DLG2: variants seen among roughly 807,000 people sequenced by gnomAD.
The protein encoded by DLG2 is disks large homolog 2.
DLG2 carries 45 observed loss-of-function variants against 132.5 expected under a neutral mutation model. The ratio of observed to expected loss-of-function variants is 0.34; its 90% confidence interval spans 0.27 to 0.44. The LOEUF is 0.44. Among genes scored for constraint, DLG2 ranks in the 20% least tolerant of loss-of-function variants. DLG2 has a pLI of 1.00. For synonymous variants in DLG2, 424 were observed against 419.6 expected (o/e 1.01, Z -0.13); for missense variants, 1,045 against 1,196.9 (o/e 0.87, Z 1.87).
chr11:84,118,283 C>T (rs1328092050), intron 9 of DLG2, among the ~76,000 whole-genome samples: 1 of 152,178 alleles, frequency 6.6e-6, no homozygotes, highest in Non-Finnish European at 1.5e-5. Flanking sequence ...ATTTGTTCAG[C>T]CTCCTGCTGC....
rs756806805 is a variant in DLG2, at chr11:85,553,603, T to C, written c.40+45054A>G. On this transcript the variant is annotated intron_variant, in intron 3 of 27. Coordinates refer to ENST00000376104, the MANE Select transcript of DLG2 (RefSeq NM_001142699.3). The stretch of plus-strand genomic sequence containing the variant: ...ATTCTTACTGAAAGAGATTAAATGA[T>C]GTGTGGAGGAAACTACATACAAAGG... 6.6e-5 allele frequency among the ~76,000 whole-genome samples: 10 copies of C among 151,640 alleles called. 1 individual carries two copies. The highest frequency in any genetic ancestry group is 1.3e-4 in the Non-Finnish European group (9 of 67,762).
At chr11:85,469,870 A>G (rs1379042293) in intron 3 of DLG2, 1 of 152,208 alleles carries the variant, frequency 6.6e-6, no homozygotes, top group African/African-American at 2.4e-5. Flanking sequence ...CACAAGCAGT[A>G]AATATGACCC....
intron 3 of DLG2, among the ~76,000 whole-genome samples, chr11:85,522,048 T>A (rs2074357589): frequency 6.6e-6 from 1 of 152,176 alleles, no homozygotes; most frequent in African/African-American, 2.4e-5. Flanking sequence ...CTAGGGCATG[T>A]CAGAGAGCTT....
chr11:83,887,082 G>A (rs947458257), intron 15 of DLG2, among the ~76,000 whole-genome samples: 9 of 152,072 alleles, frequency 5.9e-5, no homozygotes, highest in East Asian at 1.9e-4. Flanking sequence ...AGCATAAGGC[G>A]AGAAATAACT....
chr11:84,175,588 C>A (rs2095940362), intron 8 of DLG2, among the ~76,000 whole-genome samples: 1 of 152,076 alleles, frequency 6.6e-6, no homozygotes, highest in African/African-American at 2.4e-5. Context: ...ACCCTTTCAG[C>A]AGTTTTCAAG....
intron 4 of DLG2, among the ~76,000 whole-genome samples, chr11:85,269,977 C>T (rs955756626): frequency 1.3e-5 from 2 of 152,028 alleles, no homozygotes; most frequent in African/African-American, 4.8e-5. Flanking sequence ...TAAAGCACTG[C>T]TTAGAATATA....
At chr11:83,722,375 T>C (rs1442194463) in intron 18 of DLG2, among the ~76,000 whole-genome samples, 1 of 152,208 alleles carries the variant, frequency 6.6e-6, no homozygotes, top group African/African-American at 2.4e-5. Context: ...GTGATTGTTC[T>C]ATTTAATAAG....
chr11:85,453,120 T>G, intron 3 of DLG2: 1 of 245,454 alleles, frequency 4.1e-6, no homozygotes, highest in Non-Finnish European at 8.5e-6. Flanking sequence ...AATTTGTGGA[T>G]AAGTGCATTA....
chr11:84,305,495 T>C (rs1351311055), intron 7 of DLG2, among the ~76,000 whole-genome samples: 4 of 152,136 alleles, frequency 2.6e-5, no homozygotes, highest in African/African-American at 9.7e-5. Flanking sequence ...TTGCAGATGG[T>C]AGGAGTAAGT....
intron 6 of DLG2, among the ~76,000 whole-genome samples, chr11:84,598,100 A>G (rs2099568013): frequency 6.6e-6 from 1 of 152,192 alleles, no homozygotes. Flanking sequence ...AAGCTAAGAT[A>G]AGGTTTGGGG....
chr11:84,816,533 A>G (rs2077100986), intron 6 of DLG2, among the ~76,000 whole-genome samples: 1 of 151,920 alleles, frequency 6.6e-6, no homozygotes. Flanking sequence ...TAATAACAAA[A>G]ATGGCAGCTA....
At chr11:83,666,969 T>A (rs986244242) in intron 18 of DLG2, among the ~76,000 whole-genome samples, 1 of 152,210 alleles carries the variant, frequency 6.6e-6, no homozygotes, top group Non-Finnish European at 1.5e-5. Flanking sequence ...GAGTCTGTGA[T>A]CTTCTTCCAA....
intron 6 of DLG2, among the ~76,000 whole-genome samples, chr11:84,844,162 T>TAC (rs2081171731): frequency 7.6e-6 from 1 of 131,322 alleles, no homozygotes; most frequent in Non-Finnish European, 1.6e-5. Flanking sequence ...TATATATATA[T>TAC]ATATATATAT....
intron 10 of DLG2, among the ~76,000 whole-genome samples, chr11:84,084,196 G>A (rs1410277938): frequency 6.6e-6 from 1 of 152,190 alleles, no homozygotes; most frequent in Admixed American, 6.5e-5. Flanking sequence ...TGCACTCAGG[G>A]CTCTCATGAG....
At chr11:85,266,367 C>T (rs994257133) in intron 4 of DLG2, among the ~76,000 whole-genome samples, 1 of 152,270 alleles carries the variant, frequency 6.6e-6, no homozygotes, top group East Asian at 1.9e-4. Flanking sequence ...GTGCTCCCTA[C>T]CAAACACCGC....
At chr11:83,728,964 T>A (rs2090509904) in intron 18 of DLG2, among the ~76,000 whole-genome samples, 1 of 152,230 alleles carries the variant, frequency 6.6e-6, no homozygotes, top group South Asian at 2.1e-4. Context: ...TTTTTCTTTT[T>A]AAAATTCTTT....
chr11:83,688,334 C>T (rs922107204), intron 18 of DLG2, among the ~76,000 whole-genome samples: 1 of 152,056 alleles, frequency 6.6e-6, no homozygotes, highest in African/African-American at 2.4e-5. Context: ...GATTTGTGGG[C>T]TTGTGCGAAT....
At chr11:83,546,208 T>C (rs1169057523) in intron 19 of DLG2, among the ~76,000 whole-genome samples, 2 of 152,138 alleles carry the variant, frequency 1.3e-5, no homozygotes, top group Admixed American at 1.3e-4. Context: ...CTGGGTACCC[T>C]AACAAAATAG....
At chr11:83,730,650 A>G (rs2090847497) in intron 18 of DLG2, among the ~76,000 whole-genome samples, 1 of 152,200 alleles carries the variant, frequency 6.6e-6, no homozygotes, top group Non-Finnish European at 1.5e-5. Flanking sequence ...AACAAGCTTT[A>G]CTAAGTAGCC....
Sources: gnomAD v4.1 joint callset for allele counts (sites outside exome capture counted in the v4.1 genomes callset) on GRCh38, gnomAD v4.1.1 for gene constraint, MANE v1.5 for transcripts, NCBI Gene and HGNC (gene_info 2026-07-23, HGNC 2026-07-21) for gene names.